Variants in CAMK4 observed in about 807,000 individuals in gnomAD.
CAMK4 encodes calcium/calmodulin dependent protein kinase IV.
A neutral mutation model predicts 44.9 loss-of-function variants in CAMK4; 22 were observed. The ratio of observed to expected loss-of-function variants is 0.49; its 90% CI spans 0.35 to 0.70. CAMK4 has a LOEUF of 0.70. CAMK4 is among the 30% of genes least tolerant of loss of function. The pLI is 0.01. For synonymous variants in CAMK4, 218 were observed against 215.4 expected, an observed-to-expected ratio of 1.01 and a Z score of -0.11; for missense variants, 498 against 586.8, an observed-to-expected ratio of 0.85 and a Z score of 1.56.
At chr5:111,436,778 C>G (rs1051443003) in intron 5 of CAMK4, among the ~76,000 whole-genome samples, 18 of 152,142 alleles carry the variant, frequency 1.2e-4, no homozygotes, top group Non-Finnish European at 2.1e-4. Context: ...ATACACTGAC[C>G]AGTACAATTT....
chr5:111,461,129 A>C (rs1754628143), intron 7 of CAMK4, among the ~76,000 whole-genome samples: 1 of 152,218 alleles, frequency 6.6e-6, no homozygotes, highest in African/African-American at 2.4e-5. Context: ...TAGAACATAA[A>C]GTATATCACT....
chr5:111,476,096 T>C (rs563372423), intron 8 of CAMK4, among the ~76,000 whole-genome samples: 60 of 152,214 alleles, frequency 3.9e-4, no homozygotes, highest in Non-Finnish European at 7.4e-4. Context: ...CTTGTCTGTA[T>C]GTACATAAAC....
At chr5:111,297,089 G>A (rs1747518219) in intron 1 of CAMK4, among the ~76,000 whole-genome samples, 1 of 152,156 alleles carries the variant, frequency 6.6e-6, no homozygotes, top group Non-Finnish European at 1.5e-5. Context: ...CTCCTTTAAT[G>A]AGCAAAAGCT....
At chr5:111,239,117 G>A (rs573419847) in intron 1 of CAMK4, among the ~76,000 whole-genome samples, 1 of 152,106 alleles carries the variant, frequency 6.6e-6, no homozygotes, top group African/African-American at 2.4e-5. Context: ...TTTTCATCAG[G>A]ACTTGGATCT....
intron 1 of CAMK4, among the ~76,000 whole-genome samples, chr5:111,252,620 C>T (rs1749555881): frequency 6.6e-6 from 1 of 152,120 alleles, no homozygotes; most frequent in African/African-American, 2.4e-5. Context: ...ATATTCTTAG[C>T]AGTAAGCTGG....
chr5:111,243,512 T>G (rs1355578862), intron 1 of CAMK4, among the ~76,000 whole-genome samples: 6 of 152,212 alleles, frequency 3.9e-5, no homozygotes, highest in Non-Finnish European at 8.8e-5. Context: ...GCAAAGAATC[T>G]TTGTCACACA....
At chr5:111,265,340 T>TAGCC (rs1394822432) in intron 1 of CAMK4, among the ~76,000 whole-genome samples, 3 of 152,252 alleles carry the variant, frequency 2.0e-5, no homozygotes, top group Admixed American at 6.5e-5. Flanking sequence ...ATACTTCATG[T>TAGCC]AGCCTACTGG....
At chr5:111,383,247 G>A (rs1458023000) in intron 4 of CAMK4, among the ~76,000 whole-genome samples, 1 of 152,164 alleles carries the variant, frequency 6.6e-6, no homozygotes, top group African/African-American at 2.4e-5. Flanking sequence ...CAGATAAACG[G>A]ATTTGGTTTT....
At chr5:111,258,415 A>G (rs1749830915) in intron 1 of CAMK4, among the ~76,000 whole-genome samples, 1 of 152,192 alleles carries the variant, frequency 6.6e-6, no homozygotes, top group South Asian at 2.1e-4. Flanking sequence ...ACAAAAAAGA[A>G]GTTTAATTGG....
At chr5:111,374,806 G>C (rs931464400) in intron 2 of CAMK4, 44 bp from the exon 3 acceptor site, 3 of 1,187,030 alleles carry the variant, frequency 2.5e-6, no homozygotes, top group Non-Finnish European at 3.8e-6. Flanking sequence ...CTACAATGAA[G>C]GGGGGAGTTT....
chr5:111,337,708 T>C (rs1749465864), intron 1 of CAMK4, among the ~76,000 whole-genome samples: 1 of 151,110 alleles, frequency 6.6e-6, no homozygotes, highest in Admixed American at 6.6e-5. Context: ...TATATTGCTT[T>C]TTGAGAAAGG....
At chr5:111,266,207 CA>C (rs1750235872) in intron 1 of CAMK4, 1 of 69,244 alleles carries the variant, frequency 1.4e-5, no homozygotes, top group Non-Finnish European at 2.5e-5. Context: ...CACACACACA[CA>C]CACACACACA....
chr5:111,382,322 G>A (rs55975546), intron 4 of CAMK4, among the ~76,000 whole-genome samples: 4,951 of 152,036 alleles, frequency 0.033, 284 homozygotes, highest in African/African-American at 0.11. Context: ...GAATTTTCAG[G>A]GCATTGCTAT....
chr5:111,457,952 G>T (rs1754478297), intron 7 of CAMK4, among the ~76,000 whole-genome samples: 1 of 152,190 alleles, frequency 6.6e-6, no homozygotes, highest in African/African-American at 2.4e-5. Context: ...TAAAATTCCA[G>T]TTGCACTGAC....
intron 4 of CAMK4, among the ~76,000 whole-genome samples, chr5:111,377,980 C>A (rs145029043): frequency 1.3e-5 from 2 of 152,004 alleles, no homozygotes; most frequent in Non-Finnish European, 2.9e-5. Context: ...GTTTTGAATG[C>A]GTTGAGAGAG....
intron 5 of CAMK4, among the ~76,000 whole-genome samples, chr5:111,444,467 C>T (rs1345489742): frequency 6.6e-6 from 1 of 152,130 alleles, no homozygotes; most frequent in Non-Finnish European, 1.5e-5. Context: ...AGGAAACACT[C>T]CCATGAAGAG....
chr5:111,340,653 G>T (rs1426400642), intron 1 of CAMK4, among the ~76,000 whole-genome samples: 1 of 150,968 alleles, frequency 6.6e-6, no homozygotes, highest in Non-Finnish European at 1.5e-5. Flanking sequence ...TGTTCATCAG[G>T]GATATTTTCT....
At chr5:111,380,712 T>G (rs1751382301) in intron 4 of CAMK4, among the ~76,000 whole-genome samples, 2 of 152,214 alleles carry the variant, frequency 1.3e-5, no homozygotes, top group South Asian at 4.1e-4. Flanking sequence ...TCTGTGTTTT[T>G]GCTTGCCTGT....
chr5:111,396,631 C>CTTTTTTT (rs540495109), intron 5 of CAMK4, among the ~76,000 whole-genome samples: 1,374 of 47,024 alleles, frequency 0.029, 397 homozygotes, highest in East Asian at 0.081. Flanking sequence ...AACTCATATT[C>CTTTTTTT]TTTTTTTTTT....
Sources: allele counts gnomAD v4.1 joint callset (sites outside exome capture counted in the v4.1 genomes callset), GRCh38; gene constraint gnomAD v4.1.1; transcripts MANE v1.5; gene names NCBI Gene and HGNC (gene_info 2026-07-23, HGNC 2026-07-21).